The following WNT2 variants were observed in gnomAD, a reference collection of about 807,000 sequenced individuals.
WNT2 encodes the protein Wnt family member 2.
Under a neutral mutation model 36.9 loss-of-function variants are expected in WNT2, and 12 were observed. The observed-to-expected ratio is 0.33, with a 90% confidence interval of 0.21 to 0.53. The LOEUF is 0.53. Among genes scored for constraint, WNT2 ranks in the 20% least tolerant of loss-of-function variants. The pLI, the probability that WNT2 is intolerant of heterozygous loss-of-function variation, is 0.95. For missense variants in WNT2, 379 were observed against 473.1 expected (o/e 0.80, Z 1.84); for synonymous variants, 163 against 174.6 (o/e 0.93, Z 0.52).
At chr7:117,279,676 C>T (rs140768187) in intron 4 of WNT2, among the ~76,000 whole-genome samples, 77 of 152,274 alleles carry the variant, frequency 5.1e-4, no homozygotes, top group African/African-American at 1.8e-3. Flanking sequence ...GGCCTGACTG[C>T]ATTCGAACGT....
chr7:117,305,566 T>C (rs1794999668), intron 3 of WNT2, among the ~76,000 whole-genome samples: 1 of 152,214 alleles, frequency 6.6e-6, no homozygotes, highest in Admixed American at 6.5e-5. Context: ...AGTCTCTTCA[T>C]ATTTAAGAAT....
At chr7:117,294,870 C>A (rs959151382) in intron 4 of WNT2, among the ~76,000 whole-genome samples, 1 of 152,116 alleles carries the variant, frequency 6.6e-6, no homozygotes, top group African/African-American at 2.4e-5. Context: ...GCAGGTGGAT[C>A]ACTTGAGGTC....
intron 3 of WNT2, among the ~76,000 whole-genome samples, chr7:117,299,118 G>A (rs777829281): frequency 6.6e-6 from 1 of 152,238 alleles, no homozygotes; most frequent in Admixed American, 6.5e-5. Flanking sequence ...TTTAAAGGAT[G>A]TCTTAGAATG....
At chr7:117,308,720 G>A (rs1210179042) in intron 3 of WNT2, among the ~76,000 whole-genome samples, 1 of 152,192 alleles carries the variant, frequency 6.6e-6, no homozygotes, top group East Asian at 1.9e-4. Context: ...TGAATAGGAG[G>A]TGAAAGCAAC....
chr7:117,286,909 G>A (rs1441538468), intron 4 of WNT2, among the ~76,000 whole-genome samples: 1 of 152,222 alleles, frequency 6.6e-6, no homozygotes, highest in African/African-American at 2.4e-5. Context: ...GTCAGACTCT[G>A]TGAGGCTTTC....
rs888874817 is a variant in WNT2, at chr7:117,277,805, T to C, written c.*350A>G. ...AAAGCTCCTTTGAGACACTTTTTTT[T>C]CTGCTTGGCCAACTGCTCTAGAAAG... On this transcript the variant is annotated 3_prime_UTR_variant, in exon 5 of 5. Coordinates refer to ENST00000265441, the MANE Select transcript of WNT2 (RefSeq NM_003391.3). The C allele has an allele frequency of 8.7e-6, 2 of 230,948 alleles. No individual in the cohort carries two copies. The highest frequency in any genetic ancestry group is 1.7e-5 in the Non-Finnish European group (2 of 117,044). 14.3% of individuals were successfully genotyped at this position (230,948 alleles called of 1,614,324 possible). A position where few individuals can be genotyped will look rare whatever the true frequency, so the allele number is the denominator to read the frequency against.
At chr7:117,317,563 T>A (rs941703904) in intron 2 of WNT2, among the ~76,000 whole-genome samples, 1 of 152,216 alleles carries the variant, frequency 6.6e-6, no homozygotes, top group African/African-American at 2.4e-5. Flanking sequence ...TAAAATGTTA[T>A]GTGTGAAGTA....
At chr7:117,303,025 C>T (rs536629015) in intron 3 of WNT2, among the ~76,000 whole-genome samples, 5 of 152,274 alleles carry the variant, frequency 3.3e-5, no homozygotes, top group African/African-American at 9.6e-5. Flanking sequence ...AGGTGTCACT[C>T]CTGGCTACAT....
chr7:117,319,522 TGG>T lies in WNT2; in HGVS notation c.310+1043_310+1044del, dbSNP rs67181334. 5.0e-4 allele frequency among the ~76,000 whole-genome samples: 61 copies of T among 122,242 alleles called. 1 individual carries two copies. The highest frequency in any genetic ancestry group is 9.8e-4 in the African/African-American group (31 of 31,736). The allele number at this position is 122,242 out of a possible 152,430, so 80.2% of individuals were successfully genotyped here. On this transcript the variant is annotated intron_variant, in intron 2 of 4. Transcript: ENST00000265441. The stretch of plus-strand genomic sequence containing the variant: ...CAGTCTGGATGATTTTCTTAGGAAT[TGG>T]GGGGGGGGGTAGGCAAAAACAAGTA...
chr7:117,315,364 T>G lies in WNT2; in HGVS notation c.311-16A>C. 1 of 1,607,440 alleles carries G rather than the reference T, an allele frequency of 6.2e-7. No homozygotes were observed. The highest frequency in any genetic ancestry group is 8.5e-7 in the Non-Finnish European group (1 of 1,176,996). On this transcript the variant is annotated splice_polypyrimidine_tract_variant and intron_variant, in intron 2 of 4. Coordinates refer to ENST00000265441, the MANE Select transcript of WNT2 (RefSeq NM_003391.3). ...TCCCGACTACCTGAAACAAAAATGC[T>G]TTTCTTAAAAGTGGTCCGGTAGCAC...
intron 3 of WNT2, among the ~76,000 whole-genome samples, chr7:117,308,836 A>T (rs972647841): frequency 1.3e-5 from 2 of 152,106 alleles, no homozygotes; most frequent in Non-Finnish European, 2.9e-5. Context: ...CTCTTAGGTC[A>T]GACCCATTAT....
At chr7:117,321,259 A>G (rs1584699825) in intron 1 of WNT2, among the ~76,000 whole-genome samples, 1 of 152,230 alleles carries the variant, frequency 6.6e-6, no homozygotes, top group East Asian at 1.9e-4. Context: ...GAATGTCTTA[A>G]AAACTGTCTG....
chr7:117,302,124 T>C lies in WNT2; in HGVS notation c.589-4248A>G, dbSNP rs116055619. On this transcript the variant is annotated intron_variant, in intron 3 of 4. Transcript: ENST00000265441. ...TCCATTCTTTTGAATAATCAAGAAT[T>C]GACTTAAAATATTACATACCTGTTA... 5.6e-3 allele frequency among the ~76,000 whole-genome samples: 849 copies of C among 152,182 alleles called. 10 individuals carry two copies. The highest frequency in any genetic ancestry group is 0.019 in the African/African-American group (793 of 41,504).
In WNT2 at chr7:117,316,333, G is replaced by C. The variant is rs1795217040; in HGVS notation, c.311-985C>G. Among the ~76,000 whole-genome samples, 4 of 152,284 alleles carry C rather than the reference G, an allele frequency of 2.6e-5. No homozygotes were observed. The South Asian group carries it at 8.3e-4, about 32-fold the overall frequency. On this transcript the variant is annotated intron_variant, in intron 2 of 4. Coordinates refer to ENST00000265441, the MANE Select transcript of WNT2 (RefSeq NM_003391.3). ...ATAGTGACAGATATAAGGCTCTTTA[G>C]GGTCCGTGTGCACCTCATTTTTCAA...
chr7:117,293,740 C>T (rs938796934), intron 4 of WNT2, among the ~76,000 whole-genome samples: 3 of 151,856 alleles, frequency 2.0e-5, no homozygotes, highest in African/African-American at 4.8e-5. Flanking sequence ...GATTTTAGCA[C>T]GGTGGGGTTG....
Position 117,312,850 on chromosome 7 carries a change from G to A in WNT2, c.588+2221C>T, listed in dbSNP as rs577635729. ...AAATATTGGGGAAAAATTAAGGCCC[G>A]TTATGAATGGCAGTGATGAATTCTG... On this transcript the variant is annotated intron_variant, in intron 3 of 4. Transcript: ENST00000265441. Among the ~76,000 whole-genome samples, 14 of 152,282 alleles carry A rather than the reference G, an allele frequency of 9.2e-5. 1 individual carries two copies. The highest frequency in any genetic ancestry group is 1.9e-4 in the East Asian group (1 of 5,194).
At chr7:117,321,704 G>T (rs927029752) in intron 1 of WNT2, among the ~76,000 whole-genome samples, 21 of 152,294 alleles carry the variant, frequency 1.4e-4, no homozygotes, top group African/African-American at 5.1e-4. Flanking sequence ...TTAAGTGACA[G>T]CTGAGAGACA....
Position 117,296,239 on chromosome 7 carries a change from C to G in WNT2, c.853+1373G>C, listed in dbSNP as rs1794787329. ...ACTTGTTAGAGGTCCCAAAGCATGT[C>G]AGGAATGCAGCGGGGCACAGCATCT... On this transcript the variant is annotated intron_variant, in intron 4 of 4. Transcript: ENST00000265441. Among the ~76,000 whole-genome samples, 4 of 152,202 alleles carry G rather than the reference C, an allele frequency of 2.6e-5. No homozygotes were observed. In the South Asian group the frequency reaches 8.3e-4, roughly 31 times the overall value.
intron 3 of WNT2, among the ~76,000 whole-genome samples, chr7:117,307,142 A>C (rs1989836): frequency 0.18 from 26,923 of 152,168 alleles, 3,037 homozygotes; most frequent in Middle Eastern, 0.32. Context: ...AAAAAGAGCT[A>C]TGGAAGAAGA....
Sources: allele counts gnomAD v4.1 joint callset (sites outside exome capture counted in the v4.1 genomes callset), GRCh38; gene constraint gnomAD v4.1.1; transcripts MANE v1.5; gene names NCBI Gene and HGNC (gene_info 2026-07-23, HGNC 2026-07-21).